Variants in UBTD1 observed in about 807,000 individuals in gnomAD.
UBTD1 encodes ubiquitin domain-containing protein 1.
In UBTD1, 19 loss-of-function variants were observed where a neutral mutation model predicts 21.7. The observed-to-expected ratio is 0.87, with a 90% CI of 0.61 to 1.28. UBTD1 has a LOEUF of 1.28. Ranked by LOEUF, UBTD1 falls within the 50% of genes most tolerant of loss-of-function variation. UBTD1 has a pLI of 0.00. For synonymous variants in UBTD1, 116 were observed against 135.1 expected, an observed-to-expected ratio of 0.86 and a Z score of 0.98; for missense variants, 282 against 315.1, an observed-to-expected ratio of 0.89 and a Z score of 0.80.
chr10:97,569,805 GGCAGTGGA>G (rs2040736160), intron 2 of UBTD1, among the ~76,000 whole-genome samples: 1 of 151,994 alleles, frequency 6.6e-6, no homozygotes. Context: ...TGTAAGCCAG[GGCAGTGGA>G]GCACACCTGT....
In UBTD1 at chr10:97,502,242, T is replaced by C. The variant is rs1031474881; in HGVS notation, c.70+2969T>C. 2.6e-5 allele frequency among the ~76,000 whole-genome samples: 4 copies of C among 152,174 alleles called. No homozygotes were observed. The South Asian group carries it at 6.2e-4, about 24-fold the overall frequency. On this transcript the variant is annotated intron_variant, in intron 1 of 2. Transcript: ENST00000370664. ...TGCTTTAGTTCTGTGGGTCCTACTA[T>C]GAATAGCTTTATTCATAAAGTCCAA...
At chr10:97,512,260 A>AG (rs2135658711) in intron 1 of UBTD1, among the ~76,000 whole-genome samples, 1 of 152,282 alleles carries the variant, frequency 6.6e-6, no homozygotes, top group Non-Finnish European at 1.5e-5. Flanking sequence ...CCAAGGGTCC[A>AG]GGGGAGCTGA....
At chr10:97,569,420 G>A (rs1434612611) in intron 2 of UBTD1, among the ~76,000 whole-genome samples, 4 of 152,212 alleles carry the variant, frequency 2.6e-5, no homozygotes, top group Non-Finnish European at 4.4e-5. Context: ...CACATGTGAA[G>A]AAGTGAAAAA....
chr10:97,521,451 C>G (rs2040466663), intron 1 of UBTD1, among the ~76,000 whole-genome samples: 1 of 152,214 alleles, frequency 6.6e-6, no homozygotes, highest in African/African-American at 2.4e-5. Flanking sequence ...GAGAGCCCAG[C>G]CTCCAGGGGT....
At chr10:97,540,280 TG>T (rs2135674443) in intron 1 of UBTD1, among the ~76,000 whole-genome samples, 1 of 152,328 alleles carries the variant, frequency 6.6e-6, no homozygotes, top group South Asian at 2.1e-4. Flanking sequence ...TGGAATTAGA[TG>T]GAAAGAGGTT....
At chr10:97,525,631 C>T (rs1435727252) in intron 1 of UBTD1, among the ~76,000 whole-genome samples, 4 of 152,138 alleles carry the variant, frequency 2.6e-5, no homozygotes, top group African/African-American at 9.7e-5. Context: ...GCCTCTGCAC[C>T]CATCTCCATA....
intron 1 of UBTD1, among the ~76,000 whole-genome samples, chr10:97,512,383 G>A (rs887585414): frequency 6.6e-6 from 1 of 152,178 alleles, no homozygotes; most frequent in Admixed American, 6.5e-5. Flanking sequence ...CAGATCCACA[G>A]AGCCAAGAGC....
intron 1 of UBTD1, among the ~76,000 whole-genome samples, chr10:97,552,790 T>A (rs1210239440): frequency 6.6e-6 from 1 of 152,194 alleles, no homozygotes; most frequent in East Asian, 1.9e-4. Flanking sequence ...CGTTTTCCCG[T>A]GTTAGCATCC....
chr10:97,559,914 CATTTTT>C (rs1363280712), intron 1 of UBTD1, among the ~76,000 whole-genome samples: 3 of 152,136 alleles, frequency 2.0e-5, no homozygotes, highest in Admixed American at 2.0e-4. Flanking sequence ...TAAAAATCCA[CATTTTT>C]ATGCCCCTTT....
chr10:97,532,896 C>G (rs1302625666), intron 1 of UBTD1, among the ~76,000 whole-genome samples: 1 of 152,192 alleles, frequency 6.6e-6, no homozygotes, highest in East Asian at 1.9e-4. Context: ...TCCGGTGTGT[C>G]TCGGGCCCCT....
intron 1 of UBTD1, among the ~76,000 whole-genome samples, chr10:97,510,425 C>T (rs762130931): frequency 9.9e-5 from 15 of 152,108 alleles, no homozygotes; most frequent in Non-Finnish European, 1.9e-4. Context: ...TATGTAACCT[C>T]GGGTAAGTTA....
At chr10:97,538,126 C>T (rs543027647) in intron 1 of UBTD1, among the ~76,000 whole-genome samples, 3 of 152,136 alleles carry the variant, frequency 2.0e-5, no homozygotes, top group Admixed American at 2.0e-4. Flanking sequence ...ATGCTCAGCC[C>T]CAACAGACTT....
intron 1 of UBTD1, among the ~76,000 whole-genome samples, chr10:97,545,471 G>A (rs1327787853): frequency 2.6e-5 from 4 of 151,382 alleles, no homozygotes; most frequent in African/African-American, 7.3e-5. Flanking sequence ...GCCTTGTGGG[G>A]CTTGGTGCTA....
chr10:97,504,728 A>G (rs945608218), intron 1 of UBTD1, among the ~76,000 whole-genome samples: 20 of 152,342 alleles, frequency 1.3e-4, no homozygotes, highest in African/African-American at 1.4e-4. Flanking sequence ...GGTGAAGTCT[A>G]TAGAAAAGCA....
intron 1 of UBTD1, among the ~76,000 whole-genome samples, chr10:97,512,243 C>T (rs1355304796): frequency 2.0e-5 from 3 of 152,220 alleles, no homozygotes; most frequent in Non-Finnish European, 4.4e-5. Context: ...CAGAGACACA[C>T]AGAGAGCCAA....
chr10:97,543,815 G>A (rs73330793), intron 1 of UBTD1, among the ~76,000 whole-genome samples: 2,051 of 152,292 alleles, frequency 0.013, 39 homozygotes, highest in African/African-American at 0.047. Flanking sequence ...AAATTACGGG[G>A]TCTTTTCTAC....
chr10:97,554,771 C>T (rs537157868), intron 1 of UBTD1, among the ~76,000 whole-genome samples: 12 of 152,218 alleles, frequency 7.9e-5, no homozygotes, highest in African/African-American at 1.2e-4. Flanking sequence ...CCAGGCTGAT[C>T]GTGACCTCCT....
At chr10:97,553,321 G>C (rs914063077) in intron 1 of UBTD1, among the ~76,000 whole-genome samples, 9 of 152,118 alleles carry the variant, frequency 5.9e-5, no homozygotes, top group African/African-American at 2.2e-4. Flanking sequence ...TAGTAGAGAT[G>C]AGGTTTCACC....
At chr10:97,569,388 T>A (rs1214089361) in intron 2 of UBTD1, among the ~76,000 whole-genome samples, 2 of 152,312 alleles carry the variant, frequency 1.3e-5, no homozygotes, top group African/African-American at 4.8e-5. Context: ...ATTTCATTCA[T>A]CCCTGTAACC....
Sources: allele counts gnomAD v4.1 joint callset (sites outside exome capture counted in the v4.1 genomes callset), GRCh38; gene constraint gnomAD v4.1.1; transcripts MANE v1.5; gene names NCBI Gene and HGNC (gene_info 2026-07-23, HGNC 2026-07-21).